Variants in ROS1 observed in about 807,000 individuals in gnomAD.
ROS1 encodes the protein ROS proto-oncogene 1, receptor tyrosine kinase, also known as proto-oncogene tyrosine-protein kinase ROS.
In ROS1, 263 loss-of-function variants were observed where a neutral mutation model predicts 273.5. The ratio of observed to expected loss-of-function variants is 0.96; its 90% CI spans 0.87 to 1.06. The LOEUF is 1.06. Ranked by LOEUF, ROS1 falls within the 50% of genes least tolerant of loss-of-function variation. The probability of loss-of-function intolerance (pLI) is 0.00; values close to 1 mark genes in which losing one functional copy is unlikely to be tolerated. For missense variants in ROS1, 2,833 were observed against 2,751.1 expected (o/e 1.03, Z -0.67); for synonymous variants, 1,008 against 954.1 (o/e 1.06, Z -1.04).
chr6:117,339,161 GC>G (rs1019327987), intron 31 of ROS1, among the ~76,000 whole-genome samples: 1 of 152,084 alleles, frequency 6.6e-6, no homozygotes, highest in African/African-American at 2.4e-5. Flanking sequence ...TTTGAATGTA[GC>G]CCAACCCAAA....
intron 17 of ROS1, 33 bp downstream of exon 17, chr6:117,383,284 A>G: frequency 1.3e-6 from 2 of 1,509,786 alleles, no homozygotes; most frequent in Non-Finnish European, 1.8e-6. Context: ...GCTATTCAGT[A>G]TTACTAAATG....
At chr6:117,316,021 C>G (rs146372112) in intron 39 of ROS1, among the ~76,000 whole-genome samples, 1,682 of 152,168 alleles carry the variant, frequency 0.011, 26 homozygotes, top group East Asian at 0.04. Context: ...GATAATTCAG[C>G]TCTAAAAATA....
intron 13 of ROS1, among the ~76,000 whole-genome samples, chr6:117,388,989 G>C (rs1252201243): frequency 6.6e-6 from 1 of 152,112 alleles, no homozygotes; most frequent in Non-Finnish European, 1.5e-5. Context: ...CGAGTTCAGA[G>C]TTTTAGGGAA....
chr6:117,319,892 A>G lies in ROS1; in HGVS notation c.5898T>C (p.Ser1966=). The G allele has an allele frequency of 6.2e-7, 1 of 1,613,228 alleles. No individual in the cohort carries two copies. Among genetic ancestry groups the G allele is most frequent in the Non-Finnish European group, 8.5e-7 (1 of 1,179,410 alleles). ...GTAVDILGVG[S]GEIKVAVKTL... is the part of the protein sequence containing the mutation. ...CCTTCACTGCTACTTTGATTTCTCC[A>G]CTTCCAACTCCTAAGATGTCCACTG... is the stretch of plus-strand genomic sequence containing the variant. Residue 1966 remains serine (S), a synonymous_variant, in exon 37 of 44, where the codon AGT becomes AGC. Transcript: ENST00000368507.
intron 43 of ROS1, 102 bp downstream of exon 43, chr6:117,300,872 T>G (rs1366860598): frequency 4.8e-6 from 4 of 840,972 alleles, no homozygotes; most frequent in Non-Finnish European, 6.9e-6. Context: ...AGTATATTAT[T>G]CTTTTTGCCT....
chr6:117,349,405 T>C (rs184090812), intron 27 of ROS1, among the ~76,000 whole-genome samples: 33 of 152,138 alleles, frequency 2.2e-4, no homozygotes, highest in Non-Finnish European at 3.8e-4. Context: ...TGATTAGCGA[T>C]AGCATGATAT....
chr6:117,328,795 G>A (rs771212158), intron 33 of ROS1: 24 of 613,524 alleles, frequency 3.9e-5, no homozygotes, highest in Middle Eastern at 5.5e-4. Flanking sequence ...GGTTTTCATC[G>A]ACGGTGTGTT....
Position 117,344,101 on chromosome 6 carries a change from T to C in ROS1, c.4465A>G (p.Asn1489Asp), listed in dbSNP as rs766758100. The C allele has an allele frequency of 5.0e-6, 8 of 1,613,912 alleles. No individual in the cohort carries two copies. ...PTYLVYYAEV[N>D]DRKNSSDLKY... ...AAGTCAGAGCTGTTTTTCCTGTCAT[T>C]AACTTCTGCATAATAAACCAGGTAT... is the stretch of plus-strand genomic sequence containing the variant. Residue 1489 changes from asparagine to aspartate, a missense_variant, in exon 28 of 44, where the codon AAT becomes GAT. Asn to Asp is a conservative substitution (Grantham distance 23). Coordinates refer to ENST00000368507, the MANE Select transcript of ROS1 (RefSeq NM_001378902.1).
At chr6:117,404,524 G>A (rs1036608287) in intron 5 of ROS1, 96 bp from the exon 6 acceptor site, 3 of 1,091,350 alleles carry the variant, frequency 2.7e-6, no homozygotes, top group African/African-American at 3.2e-5. Context: ...GTATTCTCTT[G>A]CTAAAACTGC....
intron 17 of ROS1, among the ~76,000 whole-genome samples, chr6:117,379,754 G>A (rs1322274771): frequency 3.9e-5 from 6 of 152,156 alleles, no homozygotes; most frequent in South Asian, 2.1e-4. Context: ...TGATTCCAAC[G>A]TGCCACCAAT....
In ROS1 at chr6:117,319,929, T is replaced by G; in HGVS notation, c.5861A>C (p.Tyr1954Ser). 3.1e-6 allele frequency: 5 copies of G among 1,613,510 alleles called. No individual in the cohort carries two copies. The highest frequency in any genetic ancestry group is 4.2e-6 in the Non-Finnish European group (5 of 1,179,594). The change falls in exon 37 of 44, where the codon TAT (tyrosine) becomes TCT (serine). Residue 1954 changes from tyrosine (Y) to serine (S), a missense_variant. Physicochemically the swap from Tyr to Ser is moderately radical, Grantham distance 144. Coordinates refer to ENST00000368507, the MANE Select transcript of ROS1 (RefSeq NM_001378902.1). ...TAAGATGTCCACTGCTGTTCCTTCA[T>G]ACACTTCTCCAAAGGCTCCACTTCC... ...LLGSGAFGEV[Y>S]EGTAVDILGV...
At chr6:117,379,238 A>G in intron 17 of ROS1, 79 bp from the exon 18 acceptor site, 1 of 812,382 alleles carries the variant, frequency 1.2e-6, no homozygotes, top group Non-Finnish European at 2.0e-6. Flanking sequence ...CACTTAAGCT[A>G]TAGATTTCTC....
In ROS1 at chr6:117,357,924, G is replaced by C; in HGVS notation, c.3719C>G (p.Ser1240Ter). ...SRHLYFALKE[S>*]QNGMQVFDVD... ...ATCAAATACTTGCATTCCATTTTGT[G>C]ATTCTTTCAGTGCAAAGTAGAGGTG... Residue 1240 changes from serine (S) to a stop codon, truncating the protein, a stop_gained, in exon 25 of 44, where the codon TCA becomes TGA. Transcript: ENST00000368507. LOFTEE classifies it high-confidence loss of function. 6.2e-7 allele frequency: 1 copy of C among 1,613,380 alleles called. No homozygotes were observed. The highest frequency in any genetic ancestry group is 1.1e-5 in the South Asian group (1 of 91,060).
At chr6:117,414,383 G>A (rs1235819563) in intron 4 of ROS1, 136 bp downstream of exon 4, 1 of 653,272 alleles carries the variant, frequency 1.5e-6, no homozygotes, top group East Asian at 2.8e-5. Context: ...TATACTCAGA[G>A]TAATAACACT....
Position 117,342,415 on chromosome 6 carries a change from T to C in ROS1, c.4636A>G (p.Lys1546Glu). The C allele has an allele frequency of 6.2e-7, 1 of 1,612,230 alleles. No homozygotes were observed. The highest frequency in any genetic ancestry group is 1.1e-5 in the South Asian group (1 of 90,846). Residue 1546 changes from lysine to glutamate, a missense_variant, in exon 29 of 44, where the codon AAA becomes GAA. Physicochemically the swap from Lys to Glu is moderately conservative, Grantham distance 56 (BLOSUM62 1). Transcript: ENST00000368507. ...CATAACTTACCTCCATTTTTAGTTT[T>C]TCCCCAAATCTCTTTTCCTGGTGGT... ...HLPPGKEIWG[K>E]TKNGVPEAVQ... is the part of the protein sequence containing the mutation.
chr6:117,374,523 C>A (rs1419684994), intron 18 of ROS1, among the ~76,000 whole-genome samples: 3 of 152,210 alleles, frequency 2.0e-5, no homozygotes, highest in African/African-American at 7.2e-5. Context: ...CTTAACAATT[C>A]TAGAAGATAA....
chr6:117,377,882 A>G (rs1328052271), intron 18 of ROS1, among the ~76,000 whole-genome samples: 2 of 152,196 alleles, frequency 1.3e-5, no homozygotes, highest in Admixed American at 6.5e-5. Context: ...TTGAACAGGC[A>G]TATCATAAAA....
intron 39 of ROS1, among the ~76,000 whole-genome samples, chr6:117,311,659 G>T (rs1287289157): frequency 2.6e-5 from 4 of 151,986 alleles, no homozygotes; most frequent in African/African-American, 9.7e-5. Context: ...ATGATAATGG[G>T]CTTGTTTCTC....
At chr6:117,400,195 T>C (rs1231158449) in intron 7 of ROS1, among the ~76,000 whole-genome samples, 1 of 152,224 alleles carries the variant, frequency 6.6e-6, no homozygotes, top group East Asian at 1.9e-4. Flanking sequence ...TCACCTCATG[T>C]CTAACTCAAC....
Sources: gnomAD v4.1 joint callset for allele counts (sites outside exome capture counted in the v4.1 genomes callset) on GRCh38, gnomAD v4.1.1 for gene constraint, MANE v1.5 for transcripts, NCBI Gene and HGNC (gene_info 2026-07-23, HGNC 2026-07-21) for gene names.